The following TRIP13 variants were observed in gnomAD, a reference collection of about 807,000 sequenced individuals.
TRIP13 encodes the protein pachytene checkpoint protein 2 homolog.
A neutral mutation model predicts 54.4 loss-of-function variants in TRIP13; 25 were observed. The observed-to-expected ratio is 0.46, with a 90% CI of 0.33 to 0.64. The LOEUF (loss-of-function observed/expected upper bound fraction) is 0.64. TRIP13 is among the 30% of genes least tolerant of loss of function. The probability of loss-of-function intolerance (pLI) is 0.02; values close to 1 mark genes in which losing one functional copy is unlikely to be tolerated. For synonymous variants in TRIP13, 207 were observed against 207.8 expected (o/e 1.00, Z 0.03); for missense variants, 373 against 534.2 (o/e 0.70, Z 2.97).
downstream of TRIP13, chr5:918,240 T>C (rs1368321185): frequency 6.6e-6 from 1 of 152,224 alleles, no homozygotes; most frequent in Non-Finnish European, 1.5e-5. This position sits in a 1 kb window ranked among gnomAD's most constrained non-coding sequence, Gnocchi z 4.3. Context: ...GGCCAAGGCA[T>C]ATGCAGGTTC....
At chr5:901,681 G>A (rs747864811) in intron 5 of TRIP13, among the ~76,000 whole-genome samples, 8 of 152,098 alleles carry the variant, frequency 5.3e-5, no homozygotes, top group East Asian at 1.9e-4. Flanking sequence ...GCCCGATCTC[G>A]GCTCACTGCA....
At position 894,955 on chromosome 5, in the gene TRIP13, A is replaced by G; in HGVS notation, c.258+3A>G. 1 of 1,600,110 alleles carries G rather than the reference A, an allele frequency of 6.2e-7. No individual in the cohort carries two copies. The highest frequency in any genetic ancestry group is 2.2e-5 in the East Asian group (1 of 44,632). ...AATTAAAGGTTAAAGACTCACAGGT[A>G]AGTTACTAATTTGCTGGGCCAAGGA... On this transcript the variant is annotated splice_donor_region_variant and intron_variant, in intron 2 of 12. Coordinates refer to ENST00000166345, the MANE Select transcript of TRIP13 (RefSeq NM_004237.4).
At chr5:914,720 C>CGTGTGTGTGTGT (rs60208703) in intron 11 of TRIP13, 143 bp downstream of exon 11, 1 of 526,866 alleles carries the variant, frequency 1.9e-6, no homozygotes, top group African/African-American at 1.9e-5. Context: ...CATGTACACA[C>CGTGTGTGTGTGT]GTGTGTGTGT....
At chr5:901,551 C>T (rs909284312) in intron 5 of TRIP13, 120 bp downstream of exon 5, 30 of 815,686 alleles carry the variant, frequency 3.7e-5, no homozygotes, top group Admixed American at 1.1e-4. Flanking sequence ...CACAGCTGTC[C>T]TAGAATGTCC....
chr5:911,264 G>A lies in TRIP13; in HGVS notation c.867-579G>A, dbSNP rs1037863035. Among the ~76,000 whole-genome samples, 1 of 152,222 alleles carries A rather than the reference G, an allele frequency of 6.6e-6. No homozygotes were observed. The highest frequency in any genetic ancestry group is 2.4e-5 in the African/African-American group (1 of 41,462). On this transcript the variant is annotated intron_variant, in intron 9 of 12. Transcript: ENST00000166345. This position sits in a 1 kb window ranked among gnomAD's most constrained non-coding sequence, Gnocchi z 4.7. ...CACGGTAGGTGGCACAATCAGGAAC[G>A]CCATGCGAAAGTGAGATCCTTGCTA...
chr5:916,295 T>C (rs935411043), intron 12 of TRIP13, among the ~76,000 whole-genome samples: 19 of 152,192 alleles, frequency 1.2e-4, no homozygotes, highest in African/African-American at 4.3e-4. Context: ...TCAGTCTGGG[T>C]TCAGCTCACA....
chr5:902,715 C>T (rs1309520863), intron 5 of TRIP13, among the ~76,000 whole-genome samples: 5 of 152,086 alleles, frequency 3.3e-5, no homozygotes, highest in Non-Finnish European at 7.3e-5. Flanking sequence ...CACCAAGACG[C>T]GGAGACCGGT....
At chr5:901,236 T>A (rs1239158391) in intron 4 of TRIP13, 105 bp from the exon 5 acceptor site, 15 of 975,044 alleles carry the variant, frequency 1.5e-5, no homozygotes, top group Non-Finnish European at 2.0e-5. Context: ...TCGCTCCCTG[T>A]GCTCCCTCTT....
In TRIP13 at chr5:907,906, C is replaced by T; in HGVS notation, c.673-82C>T. 2 of 1,410,502 alleles carry T rather than the reference C, an allele frequency of 1.4e-6. No individual in the cohort carries two copies. Among genetic ancestry groups the T allele is most frequent in the South Asian group, 1.2e-5 (1 of 85,614 alleles). 87.4% of individuals were successfully genotyped at this position (1,410,502 alleles called of 1,614,324 possible). On this transcript the variant is annotated intron_variant, in intron 7 of 12. Coordinates refer to ENST00000166345, the MANE Select transcript of TRIP13 (RefSeq NM_004237.4). The surrounding 1 kb of genome is among the most constrained non-coding windows in gnomAD (Gnocchi z 4.1). ...AGTGGGCTTGTGGGGACAACTGGGGCAGCAGGCCACATCAGGGTCCCCCTG... is the reference window on the plus strand; with the variant it reads ...AGTGGGCTTGTGGGGACAACTGGGGTAGCAGGCCACATCAGGGTCCCCCTG...
chr5:909,097 G>A (rs931351431), intron 9 of TRIP13, among the ~76,000 whole-genome samples: 2 of 152,218 alleles, frequency 1.3e-5, no homozygotes, highest in African/African-American at 4.8e-5. Flanking sequence ...GCACCAACTA[G>A]TGCTGCTCGT....
intron 5 of TRIP13, among the ~76,000 whole-genome samples, chr5:902,022 T>C (rs1754002844): frequency 1.3e-5 from 2 of 152,206 alleles, no homozygotes; most frequent in African/African-American, 4.8e-5. Flanking sequence ...TACTAAACCT[T>C]ATGTAGACTA....
chr5:896,334 A>T (rs1753913524), intron 2 of TRIP13, among the ~76,000 whole-genome samples: 1 of 152,214 alleles, frequency 6.6e-6, no homozygotes, highest in South Asian at 2.1e-4. Flanking sequence ...TTAATTAAAA[A>T]AAAACAAAAA....
intron 5 of TRIP13, among the ~76,000 whole-genome samples, 173 bp downstream of exon 5, chr5:901,604 T>TTTTG (rs146108175): frequency 6.6e-6 from 1 of 152,014 alleles, no homozygotes; most frequent in African/African-American, 2.4e-5. Context: ...TTGGGACATT[T>TTTTG]TTTGTTTGTT....
Position 907,022 on chromosome 5 carries a change from C to T in TRIP13, c.609-108C>T, listed in dbSNP as rs1754128681. 6 of 829,962 alleles carry T rather than the reference C, an allele frequency of 7.2e-6. No individual in the cohort carries two copies. Among genetic ancestry groups the T allele is most frequent in the Admixed American group, 4.3e-5 (2 of 46,676 alleles). The allele number at this position is 829,962 out of a possible 1,614,324, so 51.4% of individuals were successfully genotyped here. A position where few individuals can be genotyped will look rare whatever the true frequency, so the allele number is the denominator to read the frequency against. ...AATTCTTTGTCAGTAATTGTAATTC[C>T]CCCGATGCTGGGCACTTGAGATGTT... On this transcript the variant is annotated intron_variant, in intron 6 of 12. Transcript: ENST00000166345. This position sits in a 1 kb window ranked among gnomAD's most constrained non-coding sequence, Gnocchi z 4.1.
chr5:912,543 G>A lies in TRIP13; in HGVS notation c.1020+547G>A, dbSNP rs1490351133. 2.0e-5 allele frequency among the ~76,000 whole-genome samples: 3 copies of A among 151,312 alleles called. No individual in the cohort carries two copies. The highest frequency in any genetic ancestry group is 4.4e-5 in the Non-Finnish European group (3 of 67,902). On this transcript the variant is annotated intron_variant, in intron 10 of 12. Coordinates refer to ENST00000166345, the MANE Select transcript of TRIP13 (RefSeq NM_004237.4). This position sits in a 1 kb window ranked among gnomAD's most constrained non-coding sequence, Gnocchi z 7.2. ...GCCGTCGCCACGGGCAGAGCGACGC[G>A]TGCGGGGAGCGTGTGTGAGTCAGGA...
chr5:892,976 TC>T lies in TRIP13; in HGVS notation c.-19del. ...TGGCGGCGGCCGCGCCCTGGTTGGG[TC>T]CCCACTGCTCTCGGGGGCGCCATGG... On this transcript the variant is annotated 5_prime_UTR_variant, in exon 1 of 13. Coordinates refer to ENST00000166345, the MANE Select transcript of TRIP13 (RefSeq NM_004237.4). 2 of 1,533,146 alleles carry T rather than the reference TC, an allele frequency of 1.3e-6. No homozygotes were observed. Among genetic ancestry groups the T allele is most frequent in the Non-Finnish European group, 1.7e-6 (2 of 1,145,480 alleles). The allele number at this position is 1,533,146 out of a possible 1,614,324, so 95.0% of individuals were successfully genotyped here. A position where few individuals can be genotyped will look rare whatever the true frequency, so the allele number is the denominator to read the frequency against.
At position 894,777 on chromosome 5, in the gene TRIP13, C is replaced by CT. The variant is rs541160921; in HGVS notation, c.93-3dup. 47 of 1,586,430 alleles carry CT rather than the reference C, an allele frequency of 3.0e-5. No individual in the cohort carries two copies. Among genetic ancestry groups the CT allele is most frequent in the African/African-American group, 2.6e-4 (19 of 73,626 alleles). The stretch of plus-strand genomic sequence containing the variant: ...AGATCATTTATGTGTGTTTTGGCTT[C>CT]TTTTTTTAGCACTGCAAAGAAAGAA... On this transcript the variant is annotated splice_polypyrimidine_tract_variant and intron_variant, in intron 1 of 12. Coordinates refer to ENST00000166345, the MANE Select transcript of TRIP13 (RefSeq NM_004237.4).
At position 911,270 on chromosome 5, in the gene TRIP13, C is replaced by G. The variant is rs76880938; in HGVS notation, c.867-573C>G. Among the ~76,000 whole-genome samples the G allele has an allele frequency of 0.026, 4,008 of 152,262 alleles. 75 individuals carry two copies. Among genetic ancestry groups the G allele is most frequent in the Middle Eastern group, 0.11 (33 of 292 alleles). ...AGGTGGCACAATCAGGAACGCCATG[C>G]GAAAGTGAGATCCTTGCTAGGCCGG... is the stretch of plus-strand genomic sequence containing the variant. On this transcript the variant is annotated intron_variant, in intron 9 of 12. Transcript: ENST00000166345. The surrounding 1 kb of genome is among the most constrained non-coding windows in gnomAD (Gnocchi z 4.7).
chr5:903,447 AT>A (rs1169930731), intron 5 of TRIP13, among the ~76,000 whole-genome samples: 3 of 152,162 alleles, frequency 2.0e-5, no homozygotes, highest in African/African-American at 7.2e-5. Context: ...CAAATTAATG[AT>A]TAATATTCAT....
Sources: allele counts gnomAD v4.1 joint callset (sites outside exome capture counted in the v4.1 genomes callset), GRCh38; gene constraint gnomAD v4.1.1; non-coding constraint Gnocchi (gnomAD v3.1); transcripts MANE v1.5; gene names NCBI Gene and HGNC (gene_info 2026-07-23, HGNC 2026-07-21).